The following C11orf71 variants were observed in gnomAD, a reference collection of about 807,000 sequenced individuals.
C11orf71 encodes the protein chromosome 11 open reading frame 71, also known as uncharacterized protein C11orf71.
For missense variants in C11orf71, 179 were observed against 167.6 expected, an observed-to-expected ratio of 1.07 and a Z score of -0.38; for synonymous variants, 72 against 73.4, an observed-to-expected ratio of 0.98 and a Z score of 0.09.
downstream of C11orf71, among the ~76,000 whole-genome samples, chr11:114,397,418 C>A (rs1016074646): frequency 2.6e-5 from 4 of 152,270 alleles, no homozygotes; most frequent in African/African-American, 9.6e-5. Flanking sequence ...GTCTTTGTGA[C>A]TCGAGGGTCA....
exon 2 of C11orf71, chr11:114,391,635 G>A: frequency 6.5e-7 from 1 of 1,530,192 alleles, no homozygotes; most frequent in Non-Finnish European, 8.8e-7. Context: ...AGGGGTTGCA[G>A]ACTCAGATAG....
At chr11:114,396,428 T>C (rs962862631), downstream of C11orf71, among the ~76,000 whole-genome samples, 18 of 152,240 alleles carry the variant, frequency 1.2e-4, no homozygotes, top group African/African-American at 4.3e-4. Flanking sequence ...CTGTAGAATA[T>C]ACTTTGGGAA....
rs1484673493 is a variant in C11orf71 at position 114,400,274 on chromosome 11, G to A, written c.58C>T (p.Arg20Cys). 2 of 1,610,662 alleles carry A rather than the reference G, an allele frequency of 1.2e-6. No homozygotes were observed. Among genetic ancestry groups the A allele is most frequent in the East Asian group, 2.2e-5 (1 of 44,744 alleles). The change falls in exon 1 of 1, where the codon CGC becomes TGC. Residue 20 changes from arginine (R) to cysteine (C), a missense_variant. Physicochemically the swap from Arg to Cys is radical, Grantham distance 180. Coordinates refer to ENST00000623205, the MANE Select transcript of C11orf71 (RefSeq NM_001271562.2). ...SGDQRSRVAYRSSHGDLRPRA... is the reference protein window; with the variant it reads ...SGDQRSRVAYCSSHGDLRPRA... ...GGTCTGAGGTCGCCATGGGAAGAGC[G>A]GTAGGCCACCCTGCTCCTCTGATCA...
At chr11:114,392,117 T>C (rs1946077447) in intron 1 of C11orf71, among the ~76,000 whole-genome samples, 1 of 152,090 alleles carries the variant, frequency 6.6e-6, no homozygotes, top group Non-Finnish European at 1.5e-5. Context: ...ATATTAAATA[T>C]TGTGGCCAGG....
At chr11:114,395,867 AG>A (rs2135341389), downstream of C11orf71, among the ~76,000 whole-genome samples, 1 of 152,344 alleles carries the variant, frequency 6.6e-6, no homozygotes, top group South Asian at 2.1e-4. Flanking sequence ...TTATCAAACC[AG>A]GAGTGAGAAA....
downstream of C11orf71, among the ~76,000 whole-genome samples, chr11:114,394,284 T>TTTCTC (rs1946111392): frequency 1.2e-5 from 1 of 84,476 alleles, no homozygotes; most frequent in Non-Finnish European, 2.1e-5. Flanking sequence ...TTTCTTTTCT[T>TTTCTC]TTCTCTTATT....
chr11:114,394,277 CTTTTCTTTTCTCTTA>C (rs1478584273), downstream of C11orf71, among the ~76,000 whole-genome samples: 13 of 68,974 alleles, frequency 1.9e-4, no homozygotes, highest in Non-Finnish European at 2.6e-4. Flanking sequence ...CTTTTCTTTT[CTTTTCTTTTCTCTTA>C]TTTTCTTTTC....
At chr11:114,394,228 C>CTTTCTTTCTTTTCTTTTCT (rs1946102729), downstream of C11orf71, among the ~76,000 whole-genome samples, 1 of 48,704 alleles carries the variant, frequency 2.1e-5, no homozygotes, top group East Asian at 6.3e-4. Context: ...CTTTTCTTTT[C>CTTTCTTTCTTTTCTTTTCT]TTTCTTTTCT....
chr11:114,396,516 G>A (rs1247228162), downstream of C11orf71, among the ~76,000 whole-genome samples: 1 of 152,220 alleles, frequency 6.6e-6, no homozygotes, highest in Non-Finnish European at 1.5e-5. Flanking sequence ...TTAGGATGAA[G>A]TAGAGAGACA....
chr11:114,392,894 A>T (rs537042996), intron 1 of C11orf71, among the ~76,000 whole-genome samples: 1 of 152,312 alleles, frequency 6.6e-6, no homozygotes, highest in East Asian at 1.9e-4. Flanking sequence ...CTCCACCACT[A>T]CATAGTTCTG....
chr11:114,394,173 GGTTTC>G (rs773224883), downstream of C11orf71, among the ~76,000 whole-genome samples: 15,616 of 72,694 alleles, frequency 0.21, 2,180 homozygotes, highest in African/African-American at 0.39. Context: ...GTAGAGACGG[GGTTTC>G]GTTTCTTTTC....
downstream of C11orf71, among the ~76,000 whole-genome samples, chr11:114,394,228 CTT>C: frequency 7.4e-4 from 36 of 48,692 alleles, 2 homozygotes; most frequent in African/African-American, 3.3e-3. Context: ...CTTTTCTTTT[CTT>C]TCTTTTCTTT....
At chr11:114,392,548 A>AAAAAAAAAAAAAG (rs1461395379) in intron 1 of C11orf71, among the ~76,000 whole-genome samples, 1 of 124,854 alleles carries the variant, frequency 8.0e-6, no homozygotes, top group African/African-American at 2.9e-5. Flanking sequence ...AAAAAAAAAA[A>AAAAAAAAAAAAAG]AAGAAGAAGA....
rs374189399 is a variant in C11orf71 at position 114,400,043 on chromosome 11, C to A, written c.289G>T (p.Val97Phe). The change falls in exon 1 of 1, where the codon GTT becomes TTT. Residue 97 changes from valine to phenylalanine, a missense_variant. Transcript: ENST00000623205. ...ACACTTCTTAGGAGATCGGGTTCAA[C>A]GGCAGGGATTGGGTAAGGTGAGAAT... is the stretch of plus-strand genomic sequence containing the variant. ...ARFSPYPIPA[V>F]EPDLLRSVLQ... 18 of 1,613,916 alleles carry A rather than the reference C, an allele frequency of 1.1e-5. No homozygotes were observed. The African/African-American group carries it at 2.1e-4, about 19-fold the overall frequency.
At chr11:114,391,626 G>C (rs1187497420) in exon 2 of C11orf71, 11 of 1,537,716 alleles carry the variant, frequency 7.2e-6, no homozygotes, top group Non-Finnish European at 9.7e-6. Context: ...TCTTAAATCA[G>C]GGGTTGCAGA....
chr11:114,398,163 T>C (rs1946142158), downstream of C11orf71, among the ~76,000 whole-genome samples: 1 of 152,240 alleles, frequency 6.6e-6, no homozygotes, highest in Non-Finnish European at 1.5e-5. Flanking sequence ...TTTAATTTTA[T>C]TCTTCTTCCC....
intron 1 of C11orf71, among the ~76,000 whole-genome samples, chr11:114,392,791 A>G (rs76285328): frequency 6.6e-6 from 1 of 151,640 alleles, no homozygotes. Context: ...AAAAAAAAAA[A>G]TCCTGTTAGC....
In C11orf71 at chr11:114,399,820, G is replaced by T; in HGVS notation, c.*140C>A. 8.4e-7 allele frequency: 1 copy of T among 1,195,492 alleles called. No homozygotes were observed. Among genetic ancestry groups the T allele is most frequent in the Non-Finnish European group, 1.1e-6 (1 of 882,506 alleles). The allele number at this position is 1,195,492 out of a possible 1,614,324, so 74.1% of individuals were successfully genotyped here. A position where few individuals can be genotyped will look rare whatever the true frequency, so the allele number is the denominator to read the frequency against. On this transcript the variant is annotated 3_prime_UTR_variant, in exon 1 of 1. Coordinates refer to ENST00000623205, the MANE Select transcript of C11orf71 (RefSeq NM_001271562.2). Reference sequence around the variant, plus strand: ...ACTGTTACACTTCCCTTAGTGCTAGGACATATTCATATAACTCCCACGTAT... The same window carrying T: ...ACTGTTACACTTCCCTTAGTGCTAGTACATATTCATATAACTCCCACGTAT...
At chr11:114,394,210 TTTCTTTTC>T (rs755042686), downstream of C11orf71, among the ~76,000 whole-genome samples, 2,400 of 60,864 alleles carry the variant, frequency 0.039, 168 homozygotes, top group South Asian at 0.081. Context: ...TTTCTTTTCT[TTTCTTTTC>T]TTTTCTTTTC....
Sources: gnomAD v4.1 joint callset for allele counts (sites outside exome capture counted in the v4.1 genomes callset) on GRCh38, gnomAD v4.1.1 for gene constraint, MANE v1.5 for transcripts, NCBI Gene and HGNC (gene_info 2026-07-23, HGNC 2026-07-21) for gene names.